DDX52: variants seen among roughly 807,000 people sequenced by gnomAD.
The protein encoded by DDX52 is DExD-box helicase 52, also known as probable ATP-dependent RNA helicase DDX52.
In DDX52, 59 loss-of-function variants were observed where a neutral mutation model predicts 76.1. That is an observed-to-expected ratio of 0.78 (90% CI 0.63 to 0.96). The LOEUF (loss-of-function observed/expected upper bound fraction) is 0.96, where lower values mean the gene tolerates loss of function less well. DDX52 is among the 40% of genes least tolerant of loss of function. DDX52 has a pLI of 0.00. For missense variants in DDX52, 707 were observed against 703.9 expected (o/e 1.00, Z -0.05); for synonymous variants, 231 against 244.1 (o/e 0.95, Z 0.50).
chr17:37,627,611 AT>A (rs139166043), intron 6 of DDX52, among the ~76,000 whole-genome samples: 8,554 of 151,356 alleles, frequency 0.057, 780 homozygotes, highest in African/African-American at 0.19. Context: ...CAGGAAAATC[AT>A]TTTTTTTACA....
intron 11 of DDX52, 29 bp from the exon 12 acceptor site, chr17:37,620,977 C>T (rs1405483011): frequency 1.9e-6 from 3 of 1,572,536 alleles, no homozygotes; most frequent in Non-Finnish European, 2.6e-6. Flanking sequence ...TTAAAAAACA[C>T]ATTTTGGGGG....
chr17:37,626,012 A>G lies in DDX52; in HGVS notation c.1019T>C (p.Leu340Pro). Residue 340 changes from leucine (L) to proline (P), a missense_variant, in exon 8 of 15, where the codon CTG (leucine) becomes CCG (proline). By Grantham distance (98) the Leu-to-Pro change is moderately conservative. Coordinates refer to ENST00000617633, the MANE Select transcript of DDX52 (RefSeq NM_007010.5). ...TCGGACCTTGTGGGATGTGCAGGCCAGGAAAATGGAAGCCAGCTGGTCTCT... is the reference window on the plus strand; with the variant it reads ...TCGGACCTTGTGGGATGTGCAGGCCGGGAAAATGGAAGCCAGCTGGTCTCT... ...GFRDQLASIF[L>P]ACTSHKVRRA... The G allele has an allele frequency of 1.2e-6, 2 of 1,614,186 alleles. No homozygotes were observed. The highest frequency in any genetic ancestry group is 1.7e-6 in the Non-Finnish European group (2 of 1,180,032).
At chr17:37,617,082 T>G (rs1241435871) in intron 14 of DDX52, among the ~76,000 whole-genome samples, 1 of 152,242 alleles carries the variant, frequency 6.6e-6, no homozygotes, top group African/African-American at 2.4e-5. Context: ...TTTTCTGTCA[T>G]GTACACGAAT....
chr17:37,638,653 T>A (rs12952508), intron 2 of DDX52, among the ~76,000 whole-genome samples: 27,217 of 152,098 alleles, frequency 0.18, 2,615 homozygotes, highest in Admixed American at 0.29. Flanking sequence ...TTCAGACATC[T>A]GAAAAAAATT....
intron 14 of DDX52, among the ~76,000 whole-genome samples, chr17:37,615,832 G>A (rs2064418459): frequency 6.6e-6 from 1 of 152,058 alleles, no homozygotes; most frequent in African/African-American, 2.4e-5. Context: ...TGGCCAACAT[G>A]GTGAAACCCC....
rs1204712147 is a variant in DDX52 at position 37,613,416 on chromosome 17, T to C, written c.*880A>G. ...CTTCCTTATCAGGATAAAATGTTTA[T>C]CAGTATTCAAATAAAATATCTTAAA... On this transcript the variant is annotated 3_prime_UTR_variant, in exon 15 of 15. Coordinates refer to ENST00000617633, the MANE Select transcript of DDX52 (RefSeq NM_007010.5). 1 of 152,194 alleles carries C rather than the reference T, an allele frequency of 6.6e-6. No homozygotes were observed. Among genetic ancestry groups the C allele is most frequent in the Non-Finnish European group, 1.5e-5 (1 of 68,038 alleles). 9.4% of individuals were successfully genotyped at this position (152,194 alleles called of 1,614,324 possible).
chr17:37,642,441 C>G, intron 1 of DDX52, 133 bp from the exon 2 acceptor site: 7 of 999,876 alleles, frequency 7.0e-6, no homozygotes, highest in Non-Finnish European at 1.0e-5. Context: ...GGTGTCTGGA[C>G]AAATGGAATC....
chr17:37,617,592 T>C (rs2029876882), intron 14 of DDX52, among the ~76,000 whole-genome samples: 1 of 152,248 alleles, frequency 6.6e-6, no homozygotes, highest in African/African-American at 2.4e-5. Flanking sequence ...GGTGTTACAA[T>C]GTGCATCTGC....
Position 37,628,718 on chromosome 17 carries a change from C to A in DDX52, c.748-46G>T, listed in dbSNP as rs573982063. On this transcript the variant is annotated intron_variant, in intron 5 of 14. Coordinates refer to ENST00000617633, the MANE Select transcript of DDX52 (RefSeq NM_007010.5). The stretch of plus-strand genomic sequence containing the variant: ...AACATTAGCTGCTAACATACTTGGA[C>A]AAGATGTATACTCTTTTACATGATT... 4 of 1,333,166 alleles carry A rather than the reference C, an allele frequency of 3.0e-6. No individual in the cohort carries two copies. The South Asian group carries it at 5.1e-5, about 17-fold the overall frequency. 82.6% of individuals were successfully genotyped at this position (1,333,166 alleles called of 1,614,324 possible). A position where few individuals can be genotyped will look rare whatever the true frequency, so the allele number is the denominator to read the frequency against.
intron 6 of DDX52, among the ~76,000 whole-genome samples, chr17:37,627,785 T>A (rs1410690467): frequency 2.0e-5 from 3 of 151,962 alleles, no homozygotes; most frequent in African/African-American, 7.3e-5. Flanking sequence ...TTGTTTTTTT[T>A]AAGATGGAGT....
At chr17:37,639,757 T>A (rs191654912) in intron 2 of DDX52, among the ~76,000 whole-genome samples, 1 of 150,890 alleles carries the variant, frequency 6.6e-6, no homozygotes, top group Non-Finnish European at 1.5e-5. Flanking sequence ...AAAAAAAAAA[T>A]TGATACATGC....
Position 37,631,288 on chromosome 17 carries a change from A to C in DDX52, c.603+825T>G, listed in dbSNP as rs1384567267. On this transcript the variant is annotated intron_variant, in intron 4 of 14. Coordinates refer to ENST00000617633, the MANE Select transcript of DDX52 (RefSeq NM_007010.5). ...AATTGTGGTATATTCATACAACATA[A>C]TACTACTTGGTAACAAACTATTGCT... is the stretch of plus-strand genomic sequence containing the variant. 5 of 152,386 alleles carry C rather than the reference A, an allele frequency of 3.3e-5. No individual in the cohort carries two copies. The East Asian group carries it at 7.7e-4, about 23-fold the overall frequency. The allele number at this position is 152,386 out of a possible 1,614,324, so 9.4% of individuals were successfully genotyped here. A position where few individuals can be genotyped will look rare whatever the true frequency, so the allele number is the denominator to read the frequency against.
chr17:37,619,163 G>GGCAGGCCC (rs1420947344), intron 13 of DDX52, among the ~76,000 whole-genome samples: 1 of 152,150 alleles, frequency 6.6e-6, no homozygotes, highest in African/African-American at 2.4e-5. Context: ...CAGATCACTT[G>GGCAGGCCC]AGGTCAGGAG....
intron 12 of DDX52, 58 bp downstream of exon 12, chr17:37,620,815 C>A: frequency 6.8e-7 from 1 of 1,464,014 alleles, no homozygotes; most frequent in Non-Finnish European, 9.2e-7. Context: ...ATTGAATATA[C>A]ATATAAGAAT....
intron 2 of DDX52, among the ~76,000 whole-genome samples, chr17:37,640,612 C>T (rs878945371): frequency 1.6e-5 from 2 of 124,672 alleles, no homozygotes; most frequent in Non-Finnish European, 3.4e-5. Context: ...AAGTGTTTAC[C>T]AAAAAAAGGT....
At position 37,614,184 on chromosome 17, in the gene DDX52, A is replaced by G. The variant is rs2064398429; in HGVS notation, c.*112T>C. On this transcript the variant is annotated 3_prime_UTR_variant, in exon 15 of 15. Coordinates refer to ENST00000617633, the MANE Select transcript of DDX52 (RefSeq NM_007010.5). Reference sequence around the variant, plus strand: ...CACCAGTCCCATGTACTTGTAGTTGATTTCAAATGTTTGGTACAGGTGACT... The same window carrying G: ...CACCAGTCCCATGTACTTGTAGTTGGTTTCAAATGTTTGGTACAGGTGACT... 7 of 1,110,614 alleles carry G rather than the reference A, an allele frequency of 6.3e-6. No homozygotes were observed. Among genetic ancestry groups the G allele is most frequent in the Non-Finnish European group, 7.7e-6 (6 of 781,516 alleles). The allele number at this position is 1,110,614 out of a possible 1,614,324, so 68.8% of individuals were successfully genotyped here. A position where few individuals can be genotyped will look rare whatever the true frequency, so the allele number is the denominator to read the frequency against.
chr17:37,628,705 T>C, intron 5 of DDX52, 33 bp from the exon 6 acceptor site: 1 of 1,479,260 alleles, frequency 6.8e-7, no homozygotes, highest in Non-Finnish European at 9.2e-7. Context: ...CATTAGCTGC[T>C]AACATACTTG....
In DDX52 at chr17:37,621,444, T is replaced by A; in HGVS notation, c.1304A>T (p.Glu435Val). The A allele has an allele frequency of 3.7e-6, 6 of 1,613,814 alleles. No individual in the cohort carries two copies. Among genetic ancestry groups the A allele is most frequent in the Non-Finnish European group, 5.1e-6 (6 of 1,179,890 alleles). The stretch of plus-strand genomic sequence containing the variant: ...ATGAATAACATCCACATTAATACCT[T>A]CATATATGAGCTCATGAAAAAGTTC... ...AKELFHELIYEGINVDVIHAE... is the reference protein window; with the variant it reads ...AKELFHELIYVGINVDVIHAE... The change falls in exon 10 of 15, where the codon GAA becomes GTA. Residue 435 changes from glutamate (E) to valine (V), a missense_variant. Glu to Val is a moderately radical substitution (Grantham distance 121, BLOSUM62 -2). Coordinates refer to ENST00000617633, the MANE Select transcript of DDX52 (RefSeq NM_007010.5).
intron 4 of DDX52, chr17:37,631,714 G>A (rs112987973): frequency 5.8e-6 from 1 of 172,568 alleles, no homozygotes; most frequent in Non-Finnish European, 1.2e-5. Context: ...TAGTTCCTGG[G>A]CATTATAAAC....
Sources: allele counts gnomAD v4.1 joint callset (sites outside exome capture counted in the v4.1 genomes callset), GRCh38; gene constraint gnomAD v4.1.1; transcripts MANE v1.5; gene names NCBI Gene and HGNC (gene_info 2026-07-23, HGNC 2026-07-21).